The following PACRG variants were observed in gnomAD, a reference collection of about 807,000 sequenced individuals.
PACRG encodes parkin coregulated.
PACRG carries 29 observed loss-of-function variants against 29.7 expected under a neutral mutation model. The observed-to-expected ratio is 0.98, with a 90% CI of 0.73 to 1.33. PACRG has a LOEUF of 1.33. Ranked by LOEUF, PACRG falls within the 40% of genes most tolerant of loss-of-function variation. The probability of loss-of-function intolerance (pLI) is 0.00; values close to 1 mark genes in which losing one functional copy is unlikely to be tolerated. For synonymous variants in PACRG, 116 were observed against 118.7 expected (o/e 0.98, Z 0.15); for missense variants, 279 against 316.2 (o/e 0.88, Z 0.89).
chr6:162,729,936 C>A (rs952552272), intron 1 of PACRG, among the ~76,000 whole-genome samples: 7 of 152,028 alleles, frequency 4.6e-5, no homozygotes, highest in African/African-American at 7.2e-5. Context: ...GATCCATTAT[C>A]TTCTCTTTTT....
intron 2 of PACRG, among the ~76,000 whole-genome samples, chr6:162,829,885 C>T (rs1329253243): frequency 6.6e-6 from 1 of 152,080 alleles, no homozygotes; most frequent in African/African-American, 2.4e-5. Context: ...ATCACTCAAT[C>T]CCTACTTTGG....
At chr6:163,015,670 T>A (rs573080303) in intron 2 of PACRG, among the ~76,000 whole-genome samples, 1 of 152,334 alleles carries the variant, frequency 6.6e-6, no homozygotes, top group Non-Finnish European at 1.5e-5. Flanking sequence ...TGTATAGAAA[T>A]GCTACTGATT....
intron 4 of PACRG, among the ~76,000 whole-genome samples, chr6:163,138,711 T>C (rs1209894306): frequency 1.3e-5 from 2 of 152,234 alleles, no homozygotes; most frequent in East Asian, 3.8e-4. Flanking sequence ...AACGTGGACC[T>C]GTACCACTCT....
chr6:163,060,099 TAAAA>T (rs879496779), intron 2 of PACRG, among the ~76,000 whole-genome samples: 4 of 151,524 alleles, frequency 2.6e-5, no homozygotes, highest in Non-Finnish European at 4.4e-5. Context: ...AAAAAGTAAA[TAAAA>T]AACAACAACC....
intron 4 of PACRG, among the ~76,000 whole-genome samples, chr6:163,230,772 G>GGAAGAA (rs11275937): frequency 3.9e-5 from 6 of 151,940 alleles, no homozygotes; most frequent in Admixed American, 6.5e-5. Context: ...ACTGCTGTAG[G>GGAAGAA]TGCAGAGTTA....
At chr6:162,860,803 A>G (rs371249110) in intron 2 of PACRG, among the ~76,000 whole-genome samples, 2 of 152,190 alleles carry the variant, frequency 1.3e-5, no homozygotes, top group African/African-American at 4.8e-5. Flanking sequence ...TAGAGTGGAT[A>G]ATTATTCTCT....
chr6:163,269,762 G>GAGAGAGAGACAGACAGACAGAC lies in PACRG; in HGVS notation c.614-45062_614-45061insGAGAGACAGACAGACAGACAGA, dbSNP rs796202675. Among the ~76,000 whole-genome samples the GAGAGAGAGACAGACAGACAGAC allele has an allele frequency of 1.8e-4, 9 of 51,308 alleles. 1 individual carries two copies. The South Asian group carries it at 1.9e-3, about 11-fold the overall frequency. 33.7% of individuals were successfully genotyped at this position (51,308 alleles called of 152,430 possible). A position where few individuals can be genotyped will look rare whatever the true frequency, so the allele number is the denominator to read the frequency against. On this transcript the variant is annotated intron_variant, in intron 4 of 4. Coordinates refer to ENST00000366888, the MANE Select transcript of PACRG (RefSeq NM_001080379.2). ...GGGGAAAAGAAGAAAGAGAGAGAGA[G>GAGAGAGAGACAGACAGACAGAC]AGACAGACAGACAGACAGACAGAAA...
At chr6:162,939,678 T>C (rs1228538530) in intron 2 of PACRG, among the ~76,000 whole-genome samples, 1 of 15,822 alleles carries the variant, frequency 6.3e-5, no homozygotes, top group Non-Finnish European at 1.1e-4. Flanking sequence ...GTATTTGACG[T>C]GTGTGTGTGT....
intron 1 of PACRG, among the ~76,000 whole-genome samples, chr6:162,780,901 GACA>G (rs1241171196): frequency 6.6e-6 from 1 of 151,974 alleles, no homozygotes; most frequent in Non-Finnish European, 1.5e-5. Context: ...TCAGCAGTGA[GACA>G]ACTAGAATTG....
intron 4 of PACRG, among the ~76,000 whole-genome samples, chr6:163,110,186 C>G (rs904834821): frequency 1.3e-5 from 2 of 152,198 alleles, no homozygotes; most frequent in African/African-American, 2.4e-5. Context: ...GCCACTGTTT[C>G]ACTTTGTGCA....
chr6:162,742,242 A>C (rs1211114845), intron 1 of PACRG, among the ~76,000 whole-genome samples: 4 of 152,064 alleles, frequency 2.6e-5, no homozygotes, highest in Non-Finnish European at 5.9e-5. Flanking sequence ...AATCATGGGG[A>C]GTGGTTTCCC....
At chr6:163,069,364 G>C (rs988219526) in intron 3 of PACRG, among the ~76,000 whole-genome samples, 1 of 151,328 alleles carries the variant, frequency 6.6e-6, no homozygotes, top group Non-Finnish European at 1.5e-5. Context: ...TTCAGACAAG[G>C]AATTCAAAAT....
intron 2 of PACRG, among the ~76,000 whole-genome samples, chr6:162,989,007 G>A (rs1033327792): frequency 5.3e-5 from 8 of 152,082 alleles, no homozygotes; most frequent in South Asian, 2.1e-4. Flanking sequence ...GTTATGCGAC[G>A]AAAAAATTCA....
chr6:163,029,842 T>A (rs1309136242), intron 2 of PACRG, among the ~76,000 whole-genome samples: 1 of 152,178 alleles, frequency 6.6e-6, no homozygotes, highest in Non-Finnish European at 1.5e-5. Flanking sequence ...TCTAGGGACT[T>A]CCTGATTCTT....
chr6:162,909,965 G>C (rs1796196829), intron 2 of PACRG, among the ~76,000 whole-genome samples: 2 of 152,188 alleles, frequency 1.3e-5, no homozygotes, highest in South Asian at 4.1e-4. Context: ...AAGCACTTGA[G>C]TGTCAGTATG....
intron 2 of PACRG, among the ~76,000 whole-genome samples, chr6:162,851,530 A>T (rs1477232750): frequency 6.6e-6 from 1 of 152,104 alleles, no homozygotes; most frequent in Non-Finnish European, 1.5e-5. Context: ...AAATAAAATT[A>T]TTTTTTTCAC....
At chr6:163,221,027 G>A (rs1339214396) in intron 4 of PACRG, among the ~76,000 whole-genome samples, 1 of 152,190 alleles carries the variant, frequency 6.6e-6, no homozygotes, top group Non-Finnish European at 1.5e-5. Flanking sequence ...TAGTTCAGGA[G>A]TAAAACAAGC....
intron 1 of PACRG, among the ~76,000 whole-genome samples, chr6:162,741,401 G>T (rs180670945): frequency 8.5e-5 from 13 of 152,254 alleles, no homozygotes; most frequent in Non-Finnish European, 7.4e-5. Flanking sequence ...CAAGGTCAAG[G>T]TGCCACCATT....
intron 4 of PACRG, among the ~76,000 whole-genome samples, chr6:163,312,169 C>G (rs1426184559): frequency 6.6e-6 from 1 of 152,156 alleles, no homozygotes; most frequent in Non-Finnish European, 1.5e-5. Context: ...CTCCCTAGGT[C>G]CACCTCTTTC....
Sources: gnomAD v4.1 joint callset for allele counts (sites outside exome capture counted in the v4.1 genomes callset) on GRCh38, gnomAD v4.1.1 for gene constraint, MANE v1.5 for transcripts, NCBI Gene and HGNC (gene_info 2026-07-23, HGNC 2026-07-21) for gene names.